Variants in VPS51 observed in about 807,000 individuals in gnomAD.
VPS51 encodes VPS51 subunit of GARP complex, also known as vacuolar protein sorting-associated protein 51 homolog.
Under a neutral mutation model 65.1 loss-of-function variants are expected in VPS51, and 55 were observed. The ratio of observed to expected loss-of-function variants is 0.84; its 90% CI spans 0.68 to 1.06. The LOEUF is 1.06. VPS51 is among the 50% of genes least tolerant of loss of function. The probability of loss-of-function intolerance (pLI) is 0.00; values close to 1 mark genes in which losing one functional copy is unlikely to be tolerated. For synonymous variants in VPS51, 473 were observed against 489.5 expected (o/e 0.97, Z 0.44); for missense variants, 943 against 1,101.6 (o/e 0.86, Z 2.04).
In VPS51 at chr11:65,107,814, C is replaced by T; in HGVS notation, c.517C>T (p.Leu173=). ...CCTCCGTCCCCCAGGGGTCCACGCG[C>T]TGCTGCGGAAGCTGCAGTTCCTCTT... ...RITKLAGVHA[L]LRKLQFLFEL... The change falls in exon 4 of 10, where the codon CTG becomes TTG. Residue 173 remains leucine, a synonymous_variant. Coordinates refer to ENST00000279281, the MANE Select transcript of VPS51 (RefSeq NM_013265.4). The surrounding 1 kb of genome is among the most constrained non-coding windows in gnomAD (Gnocchi z 4.0). 1 of 1,569,586 alleles carries T rather than the reference C, an allele frequency of 6.4e-7. No homozygotes were observed. The highest frequency in any genetic ancestry group is 8.6e-7 in the Non-Finnish European group (1 of 1,159,244).
intron 2 of VPS51, among the ~76,000 whole-genome samples, chr11:65,097,745 T>C (rs1052497207): frequency 2.6e-5 from 4 of 152,132 alleles, no homozygotes; most frequent in African/African-American, 9.7e-5. Context: ...TAGTCCCAGC[T>C]ACTCAGGAGA....
At chr11:65,109,145 C>T in intron 5 of VPS51, 135 bp from the exon 6 acceptor site, 2 of 1,118,586 alleles carry the variant, frequency 1.8e-6, no homozygotes, top group Non-Finnish European at 2.5e-6. Flanking sequence ...GGAAGCTGCT[C>T]CGGGGTACTT....
chr11:65,109,135 G>A, intron 5 of VPS51, 145 bp from the exon 6 acceptor site: 1 of 1,074,952 alleles, frequency 9.3e-7, no homozygotes, highest in Non-Finnish European at 1.3e-6. Flanking sequence ...CCCCACTCAG[G>A]GAAGCTGCTC....
intron 2 of VPS51, among the ~76,000 whole-genome samples, chr11:65,099,551 T>C (rs1024391880): frequency 6.6e-6 from 1 of 151,942 alleles, no homozygotes. Context: ...CCCTGCACTT[T>C]GGAAGGCTGA....
Position 65,110,622 on chromosome 11 carries a change from G to C in VPS51, c.2000+19G>C. ...CCCCCAGGTCTGGCTGGTCAGGGGAGCCCCAGGGGGAAGGGACAAAAGAGG... is the reference window on the plus strand; with the variant it reads ...CCCCCAGGTCTGGCTGGTCAGGGGACCCCCAGGGGGAAGGGACAAAAGAGG... On this transcript the variant is annotated intron_variant, in intron 8 of 9. Coordinates refer to ENST00000279281, the MANE Select transcript of VPS51 (RefSeq NM_013265.4). The C allele has an allele frequency of 6.2e-7, 1 of 1,614,124 alleles. No homozygotes were observed. Among genetic ancestry groups the C allele is most frequent in the Non-Finnish European group, 8.5e-7 (1 of 1,180,028 alleles).
intron 2 of VPS51, among the ~76,000 whole-genome samples, chr11:65,104,344 G>A (rs1947828499): frequency 6.6e-6 from 1 of 152,162 alleles, no homozygotes; most frequent in Non-Finnish European, 1.5e-5. Flanking sequence ...CCAGAACAAT[G>A]TAGATAACAT....
intron 1 of VPS51, 181 bp downstream of exon 1, chr11:65,096,659 A>AGGACT (rs1429253385): frequency 1.6e-6 from 1 of 641,050 alleles, no homozygotes; most frequent in African/African-American, 1.8e-5. Context: ...GGATGTGAGT[A>AGGACT]GGACTGGACT....
At chr11:65,101,782 A>G (rs1197608853) in intron 2 of VPS51, among the ~76,000 whole-genome samples, 4 of 149,968 alleles carry the variant, frequency 2.7e-5, no homozygotes, top group Non-Finnish European at 3.0e-5. Context: ...AAAAAAAAAA[A>G]AAAAAAAAAG....
chr11:65,101,121 A>G (rs1021221334), intron 2 of VPS51, among the ~76,000 whole-genome samples: 4 of 152,270 alleles, frequency 2.6e-5, no homozygotes, highest in South Asian at 2.1e-4. Flanking sequence ...GGAGTGGGGG[A>G]ATAAGGAATG....
At chr11:65,096,700 C>T (rs765396994) in intron 1 of VPS51, 93 of 631,878 alleles carry the variant, frequency 1.5e-4, no homozygotes, top group Middle Eastern at 4.2e-4. Context: ...CTGAGGTCTT[C>T]TGGGCTGATG....
At chr11:65,100,799 G>C (rs1302904804) in intron 2 of VPS51, among the ~76,000 whole-genome samples, 1 of 152,080 alleles carries the variant, frequency 6.6e-6, no homozygotes, top group Non-Finnish European at 1.5e-5. Context: ...GCTTGCCTCG[G>C]CTTCCCAAAG....
At chr11:65,105,202 G>A (rs1947833725) in intron 2 of VPS51, among the ~76,000 whole-genome samples, 1 of 152,002 alleles carries the variant, frequency 6.6e-6, no homozygotes, top group Non-Finnish European at 1.5e-5. Context: ...AGACCAGTCT[G>A]GCCAACATGG....
intron 2 of VPS51, among the ~76,000 whole-genome samples, chr11:65,104,771 G>A (rs1487628337): frequency 1.3e-5 from 2 of 152,168 alleles, no homozygotes; most frequent in Non-Finnish European, 2.9e-5. Flanking sequence ...TTGTGTGAGA[G>A]CTGTTCTCGT....
rs992011550 is a variant in VPS51 at position 65,100,917 on chromosome 11, C to G, written c.358+3790C>G. Among the ~76,000 whole-genome samples the G allele has an allele frequency of 2.6e-5, 4 of 152,042 alleles. No homozygotes were observed. In the South Asian group the frequency reaches 8.3e-4, roughly 31 times the overall value. ...TGGCCATCAATTGAATGAATATAAA[C>G]AAATATCCACACAGTGGAATATTAT... On this transcript the variant is annotated intron_variant, in intron 2 of 9. Coordinates refer to ENST00000279281, the MANE Select transcript of VPS51 (RefSeq NM_013265.4).
chr11:65,096,387 G>C lies in VPS51; in HGVS notation c.137G>C (p.Gly46Ala). 6.5e-7 allele frequency: 1 copy of C among 1,532,074 alleles called. No individual in the cohort carries two copies. The highest frequency in any genetic ancestry group is 8.7e-7 in the Non-Finnish European group (1 of 1,148,382). The allele number at this position is 1,532,074 out of a possible 1,614,324, so 94.9% of individuals were successfully genotyped here. The change falls in exon 1 of 10, where the codon GGG becomes GCG. Residue 46 changes from glycine to alanine, a missense_variant. Gly to Ala is a moderately conservative substitution (Grantham distance 60, BLOSUM62 0). This residue lies in a region of VPS51 where 855 missense variants were observed against 953.7 expected (regional missense o/e 0.90). Transcript: ENST00000279281. ...AAGCTTTACTACGGCCTCTCGGAAGGGGAGGCGGCGGGACGCCCCGCGGGG... is the reference window on the plus strand; with the variant it reads ...AAGCTTTACTACGGCCTCTCGGAAGCGGAGGCGGCGGGACGCCCCGCGGGG... ...MLKLYYGLSE[G>A]EAAGRPAGPD...
At chr11:65,110,044 T>C in intron 7 of VPS51, 121 bp downstream of exon 7, 4 of 1,117,174 alleles carry the variant, frequency 3.6e-6, no homozygotes, top group Non-Finnish European at 5.0e-6. Context: ...CATGTGTATC[T>C]GGGCTTCTCA....
intron 2 of VPS51, among the ~76,000 whole-genome samples, chr11:65,106,836 T>C (rs1267764200): frequency 6.6e-6 from 1 of 151,100 alleles, no homozygotes; most frequent in Non-Finnish European, 1.5e-5. Flanking sequence ...CATGTGGATG[T>C]GCACAAGGAG....
At position 65,111,023 on chromosome 11, in the gene VPS51, G is replaced by A. The variant is rs1947894006; in HGVS notation, c.2088+242G>A. ...GTCTGGGTGCTGACCTGGGATTACT[G>A]TTTGCCCTTGTCCTTATCCCCACAG... is the stretch of plus-strand genomic sequence containing the variant. On this transcript the variant is annotated intron_variant, in intron 9 of 9. Transcript: ENST00000279281. 6.0e-6 allele frequency: 4 copies of A among 663,622 alleles called. No individual in the cohort carries two copies. The Admixed American group carries it at 9.6e-5, about 16-fold the overall frequency. 41.1% of individuals were successfully genotyped at this position (663,622 alleles called of 1,614,324 possible).
chr11:65,104,736 C>G (rs1348037229), intron 2 of VPS51, among the ~76,000 whole-genome samples: 1 of 152,110 alleles, frequency 6.6e-6, no homozygotes, highest in Non-Finnish European at 1.5e-5. Flanking sequence ...GTTTTCATAA[C>G]AGTGTTATGT....
Sources: allele counts gnomAD v4.1 joint callset (sites outside exome capture counted in the v4.1 genomes callset), GRCh38; gene constraint gnomAD v4.1.1; regional missense constraint gnomAD v4.1.1; non-coding constraint Gnocchi (gnomAD v3.1); transcripts MANE v1.5; gene names NCBI Gene and HGNC (gene_info 2026-07-23, HGNC 2026-07-21).